Variants in TAX1BP1 observed in about 807,000 individuals in gnomAD.
TAX1BP1 encodes tax1-binding protein 1.
Under a neutral mutation model 97.7 loss-of-function variants are expected in TAX1BP1, and 62 were observed. That is an observed-to-expected ratio of 0.63 (90% CI 0.52 to 0.78). TAX1BP1 has a LOEUF of 0.78. Ranked by LOEUF, TAX1BP1 falls within the 30% of genes least tolerant of loss-of-function variation. TAX1BP1 has a pLI of 0.00. For synonymous variants in TAX1BP1, 340 were observed against 304.2 expected, an observed-to-expected ratio of 1.12 and a Z score of -1.23; for missense variants, 867 against 916.1, an observed-to-expected ratio of 0.95 and a Z score of 0.69.
intron 3 of TAX1BP1, among the ~76,000 whole-genome samples, chr7:27,764,498 A>G (rs147182095): frequency 2.0e-5 from 3 of 152,334 alleles, no homozygotes; most frequent in African/African-American, 7.2e-5. Flanking sequence ...TGATGTCCAT[A>G]CATCTTATTA....
At position 27,793,021 on chromosome 7, in the gene TAX1BP1, G is replaced by T. The variant is rs1443696653; in HGVS notation, c.1264-45G>T. 4 of 1,509,202 alleles carry T rather than the reference G, an allele frequency of 2.7e-6. No homozygotes were observed. The African/African-American group carries it at 4.3e-5, about 16-fold the overall frequency. The allele number at this position is 1,509,202 out of a possible 1,614,324, so 93.5% of individuals were successfully genotyped here. On this transcript the variant is annotated intron_variant, in intron 9 of 16. Transcript: ENST00000396319. ...TTGGGGTTACTATTAACATTAGGAG[G>T]TATCAGATTTTTATTTTTTTCTTCA...
intron 2 of TAX1BP1, among the ~76,000 whole-genome samples, chr7:27,753,566 C>T (rs1788099484): frequency 6.6e-6 from 1 of 152,184 alleles, no homozygotes; most frequent in African/African-American, 2.4e-5. Context: ...ACTCTATTTA[C>T]ACTGTACTTT....
chr7:27,766,969 T>C (rs1387995520), intron 4 of TAX1BP1, among the ~76,000 whole-genome samples: 1 of 152,234 alleles, frequency 6.6e-6, no homozygotes, highest in South Asian at 2.1e-4. Flanking sequence ...TTACTGTTTT[T>C]GTAAATAGAA....
At chr7:27,754,021 C>T (rs983444943) in intron 2 of TAX1BP1, among the ~76,000 whole-genome samples, 8 of 152,162 alleles carry the variant, frequency 5.3e-5, no homozygotes. Flanking sequence ...AGATACTTTT[C>T]TAGTTGAGGA....
intron 5 of TAX1BP1, among the ~76,000 whole-genome samples, chr7:27,771,334 T>A (rs1788842881): frequency 6.6e-6 from 1 of 151,144 alleles, no homozygotes; most frequent in South Asian, 2.1e-4. Flanking sequence ...CATTTCACCA[T>A]GTCCTAAGCC....
chr7:27,765,797 G>A (rs1788608278), intron 3 of TAX1BP1, 37 bp from the exon 4 acceptor site: 1 of 1,532,362 alleles, frequency 6.5e-7, no homozygotes, highest in Middle Eastern at 1.8e-4. Context: ...TTTTATAATA[G>A]GAAGTTTAAT....
intron 2 of TAX1BP1, 73 bp downstream of exon 2, chr7:27,748,759 C>T: frequency 8.3e-7 from 1 of 1,211,962 alleles, no homozygotes; most frequent in East Asian, 2.7e-5. Context: ...TGATAAGTAG[C>T]TTTTACTTGC....
At position 27,827,309 on chromosome 7, in the gene TAX1BP1, C is replaced by T. The variant is rs185210538; in HGVS notation, c.2086-429C>T. Among the ~76,000 whole-genome samples the T allele has an allele frequency of 1.8e-4, 28 of 151,624 alleles. 1 individual carries two copies. The East Asian group carries it at 3.3e-3, about 18-fold the overall frequency. ...CAGGGGTTGCAGTCAGCCGAGATCG[C>T]GCCACTGCACTCCAGCCTGGGTGAC... On this transcript the variant is annotated intron_variant, in intron 15 of 16. Coordinates refer to ENST00000396319, the MANE Select transcript of TAX1BP1 (RefSeq NM_006024.7).
Position 27,766,419 on chromosome 7 carries a change from CAAAAAAAAAAAAAAAAAAAAAAAAAA to C in TAX1BP1, c.453+419_453+444del, listed in dbSNP as rs201297532. Among the ~76,000 whole-genome samples the C allele has an allele frequency of 7.8e-4, 60 of 76,884 alleles. 2 individuals carry two copies. The highest frequency in any genetic ancestry group is 1.2e-3 in the Non-Finnish European group (51 of 40,852). 50.4% of individuals were successfully genotyped at this position (76,884 alleles called of 152,430 possible). A position where few individuals can be genotyped will look rare whatever the true frequency, so the allele number is the denominator to read the frequency against. On this transcript the variant is annotated intron_variant, in intron 4 of 16. Coordinates refer to ENST00000396319, the MANE Select transcript of TAX1BP1 (RefSeq NM_006024.7). ...TGGGCGACAGAGCGAGACTCCGTATCAAAAAAAAAAAAAAAAAAAAAAAAAAAAAAAAAAAAAAAAAAAAAATCGAA... is the reference window on the plus strand; with the variant it reads ...TGGGCGACAGAGCGAGACTCCGTATCAAAAAAAAAAAAAAAAAAAATCGAA...
At chr7:27,805,834 TCAACAACAACAA>T (rs201652935) in intron 13 of TAX1BP1, among the ~76,000 whole-genome samples, 1 of 151,704 alleles carries the variant, frequency 6.6e-6, no homozygotes, top group East Asian at 1.9e-4. Flanking sequence ...AGACTCTGTA[TCAACAACAACAA>T]CAACAACAAC....
At chr7:27,802,850 G>GA (rs538325747) in intron 13 of TAX1BP1, among the ~76,000 whole-genome samples, 163 of 150,812 alleles carry the variant, frequency 1.1e-3, no homozygotes, top group African/African-American at 3.7e-3. Context: ...GGACTGGGAA[G>GA]AAAAAAAACA....
intron 2 of TAX1BP1, among the ~76,000 whole-genome samples, chr7:27,755,679 A>T (rs1788186229): frequency 6.6e-6 from 1 of 152,144 alleles, no homozygotes; most frequent in Non-Finnish European, 1.5e-5. Flanking sequence ...TTGCTGTTGC[A>T]GTAGTAACAA....
Position 27,758,096 on chromosome 7 carries a change from G to A in TAX1BP1, c.228G>A (p.Val76=). ...FLWSPMPEHY[V]EGSTVNCVLA... ...GGTCCCCTATGCCTGAACATTATGT[G>A]GAAGGATCAACAGTCAATTGTGTAC... Residue 76 remains valine, a synonymous_variant, in exon 3 of 17, where the codon GTG becomes GTA. Transcript: ENST00000396319. 1 of 1,612,236 alleles carries A rather than the reference G, an allele frequency of 6.2e-7. No individual in the cohort carries two copies. Among genetic ancestry groups the A allele is most frequent in the East Asian group, 2.2e-5 (1 of 44,734 alleles).
At chr7:27,785,014 C>T in intron 5 of TAX1BP1, 149 bp from the exon 6 acceptor site, 1 of 668,782 alleles carries the variant, frequency 1.5e-6, no homozygotes, top group Non-Finnish European at 2.4e-6. Context: ...GTTATCATTT[C>T]AAGTTTTATA....
chr7:27,798,433 G>C (rs1209432985), intron 12 of TAX1BP1, among the ~76,000 whole-genome samples: 1 of 152,060 alleles, frequency 6.6e-6, no homozygotes, highest in Middle Eastern at 3.2e-3. Context: ...GGAGGCCGAG[G>C]TGGGAGCATC....
intron 3 of TAX1BP1, among the ~76,000 whole-genome samples, chr7:27,761,873 A>G (rs968184227): frequency 1.3e-5 from 2 of 152,234 alleles, no homozygotes; most frequent in African/African-American, 4.8e-5. Flanking sequence ...GTATAAGAGC[A>G]TGTTCAGTTT....
At chr7:27,769,864 G>T (rs760620172) in intron 5 of TAX1BP1, 30 bp downstream of exon 5, 1 of 1,606,752 alleles carries the variant, frequency 6.2e-7, no homozygotes, top group South Asian at 1.1e-5. Flanking sequence ...ACTGATTGAA[G>T]TTGATAGTAT....
chr7:27,799,038 C>T (rs1470980300), intron 12 of TAX1BP1, among the ~76,000 whole-genome samples: 2 of 151,834 alleles, frequency 1.3e-5, no homozygotes, highest in East Asian at 3.9e-4. Flanking sequence ...TTTATCAGTT[C>T]ATTTATGTTT....
Position 27,815,816 on chromosome 7 carries a change from A to G in TAX1BP1, c.1765-533A>G, listed in dbSNP as rs1182530133. ...TTTGGGAGGCTGAAGTGGGTGGATC[A>G]AGAGGTCAGGAGTTCAAGACCAGCC... On this transcript the variant is annotated intron_variant, in intron 13 of 16. Coordinates refer to ENST00000396319, the MANE Select transcript of TAX1BP1 (RefSeq NM_006024.7). 2.0e-5 allele frequency among the ~76,000 whole-genome samples: 3 copies of G among 152,080 alleles called. No homozygotes were observed. In the East Asian group the frequency reaches 5.8e-4, roughly 29 times the overall value.
Sources: gnomAD v4.1 joint callset for allele counts (sites outside exome capture counted in the v4.1 genomes callset) on GRCh38, gnomAD v4.1.1 for gene constraint, MANE v1.5 for transcripts, NCBI Gene and HGNC (gene_info 2026-07-23, HGNC 2026-07-21) for gene names.